The following DLGAP4 variants were observed in gnomAD, a reference collection of about 807,000 sequenced individuals.
DLGAP4 encodes the protein disks large-associated protein 4.
DLGAP4 carries 18 observed loss-of-function variants against 86.9 expected under a neutral mutation model. The ratio of observed to expected loss-of-function variants is 0.21; its 90% CI spans 0.14 to 0.31. The LOEUF (loss-of-function observed/expected upper bound fraction) is 0.31, where lower values mean the gene tolerates loss of function less well. Among genes scored for constraint, DLGAP4 ranks in the 10% least tolerant of loss-of-function variants. The probability of loss-of-function intolerance (pLI) is 1.00; values close to 1 mark genes in which losing one functional copy is unlikely to be tolerated. For synonymous variants in DLGAP4, 548 were observed against 574.3 expected, an observed-to-expected ratio of 0.95 and a Z score of 0.65; for missense variants, 1,085 against 1,362.6, an observed-to-expected ratio of 0.80 and a Z score of 3.21.
At chr20:36,524,727 A>G (rs1600723226) in intron 11 of DLGAP4, among the ~76,000 whole-genome samples, 1 of 151,744 alleles carries the variant, frequency 6.6e-6, no homozygotes, top group Non-Finnish European at 1.5e-5. Flanking sequence ...ACATGGAGAA[A>G]CCCTGTCTCT....
rs1481992097 is a variant in DLGAP4 at position 36,526,799 on chromosome 20, C to T, written c.2761-14C>T. The T allele has an allele frequency of 6.3e-7, 1 of 1,585,614 alleles. No individual in the cohort carries two copies. Among genetic ancestry groups the T allele is most frequent in the South Asian group, 1.1e-5 (1 of 88,520 alleles). On this transcript the variant is annotated splice_polypyrimidine_tract_variant and intron_variant, in intron 12 of 12. Coordinates refer to ENST00000339266, the MANE Select transcript of DLGAP4 (RefSeq NM_001365621.2). ...TTATTTTATTTTTGTTCTCTCCTCACTGTCTCACTAAAGGAAGAGAAGAAA... is the reference window on the plus strand; with the variant it reads ...TTATTTTATTTTTGTTCTCTCCTCATTGTCTCACTAAAGGAAGAGAAGAAA...
intron 1 of DLGAP4, among the ~76,000 whole-genome samples, chr20:36,318,223 T>A (rs2147341311): frequency 6.8e-6 from 1 of 147,206 alleles, no homozygotes; most frequent in South Asian, 2.1e-4. Context: ...TTAGGCAGAG[T>A]GATAAGGGCT....
In DLGAP4 at chr20:36,525,876, C is replaced by T. The variant is rs1196411677; in HGVS notation, c.2630C>T (p.Thr877Ile). The change falls in exon 12 of 13, where the codon ACA becomes ATA. Residue 877 changes from threonine (T) to isoleucine (I), a missense_variant. Thr to Ile is a moderately conservative substitution (Grantham distance 89). This residue lies in a region of DLGAP4 where 1,082 missense variants were observed against 1,344.1 expected (regional missense o/e 0.81). Transcript: ENST00000339266. ...NLNPDANPRP[T>I]AQDLAGFWDL... ...AACCCTGATGCCAACCCACGCCCCA[C>T]AGCCCAGGACCTGGCAGGGTTCTGG... The T allele has an allele frequency of 3.7e-6, 6 of 1,613,796 alleles. No homozygotes were observed. The African/African-American group carries it at 6.7e-5, about 18-fold the overall frequency.
At chr20:36,406,069 C>T (rs2032309419) in intron 2 of DLGAP4, among the ~76,000 whole-genome samples, 1 of 152,142 alleles carries the variant, frequency 6.6e-6, no homozygotes, top group South Asian at 2.1e-4. Flanking sequence ...CCATTCAGCC[C>T]CTCTCCTTGG....
intron 7 of DLGAP4, among the ~76,000 whole-genome samples, chr20:36,462,836 T>A (rs2034160422): frequency 6.6e-6 from 1 of 152,236 alleles, no homozygotes; most frequent in African/African-American, 2.4e-5. Context: ...CACCACGGGC[T>A]GGGCATCCCT....
rs554028239 is a variant in DLGAP4 at position 36,524,945 on chromosome 20, G to A, written c.2604+604G>A. Among the ~76,000 whole-genome samples the A allele has an allele frequency of 2.2e-4, 34 of 151,548 alleles. No individual in the cohort carries two copies. The South Asian group carries it at 5.8e-3, about 26-fold the overall frequency. On this transcript the variant is annotated intron_variant, in intron 11 of 12. Transcript: ENST00000339266. ...ATACATATATATTTTTTGGCCAGGC[G>A]CAGTGGCTCACGCCTGTAATCCCAG...
chr20:36,354,048 G>T (rs935808350), intron 1 of DLGAP4, among the ~76,000 whole-genome samples: 2 of 152,252 alleles, frequency 1.3e-5, no homozygotes, highest in Non-Finnish European at 2.9e-5. Flanking sequence ...GAGGCCAGCA[G>T]GGGTCAGGTG....
chr20:36,405,925 T>G (rs551353347), intron 2 of DLGAP4, among the ~76,000 whole-genome samples: 1 of 152,052 alleles, frequency 6.6e-6, no homozygotes, highest in Non-Finnish European at 1.5e-5. Context: ...GCAGCGATGC[T>G]TCTTCAAAGG....
At chr20:36,315,739 A>T (rs1387331692) in intron 1 of DLGAP4, among the ~76,000 whole-genome samples, 2 of 152,086 alleles carry the variant, frequency 1.3e-5, no homozygotes, top group Non-Finnish European at 2.9e-5. Context: ...CTAGGCAGCC[A>T]CAGAAGGTTC....
rs868608999 is a variant in DLGAP4, at chr20:36,396,322, C to A, written c.-73+29047C>A. 3.2e-3 allele frequency among the ~76,000 whole-genome samples: 121 copies of A among 37,930 alleles called. 2 individuals are homozygous for A. The highest frequency in any genetic ancestry group is 8.6e-3 in the African/African-American group (116 of 13,550). 24.9% of individuals were successfully genotyped at this position (37,930 alleles called of 152,430 possible). A position where few individuals can be genotyped will look rare whatever the true frequency, so the allele number is the denominator to read the frequency against. On this transcript the variant is annotated intron_variant, in intron 2 of 12. Transcript: ENST00000339266. ...CCCAAACCCCTCACCCAGAACCCAG[C>A]ACACACACACACACGCACACACACA... is the stretch of plus-strand genomic sequence containing the variant.
intron 1 of DLGAP4, among the ~76,000 whole-genome samples, chr20:36,345,554 C>A (rs371019841): frequency 2.6e-5 from 4 of 152,182 alleles, no homozygotes; most frequent in Non-Finnish European, 5.9e-5. Context: ...CATCTGCATC[C>A]CAGGCTTGTT....
intron 1 of DLGAP4, among the ~76,000 whole-genome samples, chr20:36,331,011 A>C (rs1300387208): frequency 6.6e-6 from 1 of 152,164 alleles, no homozygotes; most frequent in African/African-American, 2.4e-5. Context: ...CTTCCAATTC[A>C]AGTGGTGAGG....
intron 7 of DLGAP4, chr20:36,461,198 A>AGCCCCCCCCC (rs2034023221): frequency 6.6e-6 from 1 of 151,090 alleles, no homozygotes; most frequent in Non-Finnish European, 1.5e-5. Context: ...AGGGGCGGCG[A>AGCCCCCCCCC]CCCCACCCCC....
In DLGAP4 at chr20:36,446,884, C is replaced by T. The variant is rs2033605647; in HGVS notation, c.1595C>T (p.Ser532Phe). 1 of 1,613,338 alleles carries T rather than the reference C, an allele frequency of 6.2e-7. No homozygotes were observed. The highest frequency in any genetic ancestry group is 8.5e-7 in the Non-Finnish European group (1 of 1,179,908). Residue 532 changes from serine (S) to phenylalanine (F), a missense_variant, in exon 7 of 13, where the codon TCC becomes TTC. Around this residue, in one of 2 missense-constraint regions of DLGAP4, gnomAD observed 1,082 missense variants for 1,344.1 expected, o/e 0.81. Coordinates refer to ENST00000339266, the MANE Select transcript of DLGAP4 (RefSeq NM_001365621.2). Reference protein sequence around the residue: ...SQEEDSVSLQSLSPPPSTGSL... With the variant: ...SQEEDSVSLQFLSPPPSTGSL... ...GAGGAGGACAGTGTCTCCCTGCAGT[C>T]CCTCTCCCCACCGCCCAGTACCGGC...
rs1024114777 is a variant in DLGAP4 at position 36,318,871 on chromosome 20, C to T, written c.-304+12359C>T. Among the ~76,000 whole-genome samples the T allele has an allele frequency of 4.6e-5, 7 of 152,282 alleles. No individual in the cohort carries two copies. The East Asian group carries it at 5.8e-4, about 13-fold the overall frequency. ...TTACAAGAGCAAAACTGAAGGCAGG[C>T]GCGGTGGCTCACGCCTGTAATCTTA... is the stretch of plus-strand genomic sequence containing the variant. On this transcript the variant is annotated intron_variant, in intron 1 of 12. Transcript: ENST00000339266.
At position 36,393,419 on chromosome 20, in the gene DLGAP4, C is replaced by G. The variant is rs369042154; in HGVS notation, c.-73+26144C>G. ...GGTAAACAATAAAATTAATCCCTGT[C>G]CCCCGGCTGCTAACTTACGAAGTGC... On this transcript the variant is annotated intron_variant, in intron 2 of 12. Transcript: ENST00000339266. The surrounding 1 kb of genome is among the most constrained non-coding windows in gnomAD (Gnocchi z 4.4). Among the ~76,000 whole-genome samples, 1 of 152,220 alleles carries G rather than the reference C, an allele frequency of 6.6e-6. No homozygotes were observed. Among genetic ancestry groups the G allele is most frequent in the Admixed American group, 6.5e-5 (1 of 15,296 alleles).
intron 1 of DLGAP4, among the ~76,000 whole-genome samples, chr20:36,357,762 A>G (rs1383276111): frequency 2.0e-5 from 3 of 152,236 alleles, no homozygotes; most frequent in Non-Finnish European, 4.4e-5. Flanking sequence ...AGAGTGCGGA[A>G]TAGAAACAAA....
intron 1 of DLGAP4, among the ~76,000 whole-genome samples, chr20:36,316,780 GC>G (rs2065104566): frequency 7.5e-4 from 114 of 152,050 alleles, no homozygotes; most frequent in African/African-American, 2.6e-3. Context: ...TTGGACAGCA[GC>G]CCAGGCCAGC....
chr20:36,460,499 A>G (rs1167265195), intron 7 of DLGAP4, among the ~76,000 whole-genome samples: 1 of 152,256 alleles, frequency 6.6e-6, no homozygotes, highest in Non-Finnish European at 1.5e-5. Context: ...CCAGTGCTCA[A>G]AATATTTTGA....
Sources: gnomAD v4.1 joint callset for allele counts (sites outside exome capture counted in the v4.1 genomes callset) on GRCh38, gnomAD v4.1.1 for gene constraint, gnomAD v4.1.1 regional missense constraint, Gnocchi (gnomAD v3.1) non-coding constraint, MANE v1.5 for transcripts, NCBI Gene and HGNC (gene_info 2026-07-23, HGNC 2026-07-21) for gene names.